The following GRIK4 variants were observed in gnomAD, a reference collection of about 807,000 sequenced individuals.
GRIK4 encodes glutamate ionotropic receptor kainate type subunit 4.
GRIK4 carries 40 observed loss-of-function variants against 104.9 expected under a neutral mutation model. The ratio of observed to expected loss-of-function variants is 0.38; its 90% CI spans 0.30 to 0.50. The LOEUF (loss-of-function observed/expected upper bound fraction) is 0.50. Among genes scored for constraint, GRIK4 ranks in the 20% least tolerant of loss-of-function variants. The pLI is 0.93. For missense variants in GRIK4, 1,047 were observed against 1,308.1 expected, an observed-to-expected ratio of 0.80 and a Z score of 3.08; for synonymous variants, 485 against 524.9, an observed-to-expected ratio of 0.92 and a Z score of 1.04.
chr11:120,723,966 C>T (rs765215550), intron 3 of GRIK4, among the ~76,000 whole-genome samples: 120 of 152,274 alleles, frequency 7.9e-4, no homozygotes, highest in South Asian at 7.3e-3. Flanking sequence ...TCAGCCCCCT[C>T]TCCCTACCCC....
Position 120,549,238 on chromosome 11 carries a change from A to C in GRIK4, c.-159+37351A>C, listed in dbSNP as rs1410955867. Among the ~76,000 whole-genome samples, 1 of 151,916 alleles carries C rather than the reference A, an allele frequency of 6.6e-6. No individual in the cohort carries two copies. The highest frequency in any genetic ancestry group is 1.5e-5 in the Non-Finnish European group (1 of 67,984). ...CTCAGCCTCCCAAGTAGCTGGGATT[A>C]CAGGCACACGCCACTACACCTGGCT... On this transcript the variant is annotated intron_variant, in intron 1 of 20. Coordinates refer to ENST00000527524, the MANE Select transcript of GRIK4 (RefSeq NM_014619.5). This position sits in a 1 kb window ranked among gnomAD's most constrained non-coding sequence, Gnocchi z 4.7.
At chr11:120,614,855 C>T (rs549629571) in intron 1 of GRIK4, among the ~76,000 whole-genome samples, 4 of 152,066 alleles carry the variant, frequency 2.6e-5, no homozygotes, top group African/African-American at 4.8e-5. Context: ...AAAAATTATC[C>T]GGGTGTGGTG....
intron 13 of GRIK4, among the ~76,000 whole-genome samples, chr11:120,925,742 C>T (rs763347060): frequency 3.9e-5 from 6 of 151,966 alleles, no homozygotes; most frequent in Admixed American, 6.5e-5. Context: ...GAGACTGAGG[C>T]GGGTGATCAC....
intron 1 of GRIK4, among the ~76,000 whole-genome samples, chr11:120,542,600 C>T (rs1948048675): frequency 6.6e-6 from 1 of 152,214 alleles, no homozygotes; most frequent in African/African-American, 2.4e-5. Context: ...ACTCCTACAA[C>T]TTCACAGCAA....
At chr11:120,605,251 G>C (rs971312036) in intron 1 of GRIK4, among the ~76,000 whole-genome samples, 1 of 152,182 alleles carries the variant, frequency 6.6e-6, no homozygotes, top group African/African-American at 2.4e-5. Context: ...ATATCAAAAC[G>C]AGTATTTGAG....
chr11:120,859,768 G>C (rs1352552807), intron 8 of GRIK4, among the ~76,000 whole-genome samples: 2 of 152,268 alleles, frequency 1.3e-5, no homozygotes, highest in Non-Finnish European at 2.9e-5. Context: ...GATAATATCA[G>C]TGTAGGAATC....
chr11:120,645,675 G>C (rs954102393), intron 1 of GRIK4, among the ~76,000 whole-genome samples: 15 of 152,288 alleles, frequency 9.8e-5, no homozygotes, highest in African/African-American at 3.4e-4. Flanking sequence ...CAGATCTGTT[G>C]AGGGACTGGG....
At position 120,670,641 on chromosome 11, in the gene GRIK4, C is replaced by G. The variant is rs73010244; in HGVS notation, c.82+10241C>G. 7.2e-3 allele frequency among the ~76,000 whole-genome samples: 1,103 copies of G among 152,372 alleles called. 7 individuals carry two copies. Among genetic ancestry groups the G allele is most frequent in the South Asian group, 0.012 (59 of 4,820 alleles). ...CATGCCATGCAGGTCATGCCCTGAC[C>G]ATCCTCTAGCCCTGCCTCTGCCCCT... On this transcript the variant is annotated intron_variant, in intron 3 of 20. Coordinates refer to ENST00000527524, the MANE Select transcript of GRIK4 (RefSeq NM_014619.5).
At chr11:120,763,288 A>G (rs1429674448) in intron 3 of GRIK4, among the ~76,000 whole-genome samples, 1 of 151,904 alleles carries the variant, frequency 6.6e-6, no homozygotes, top group Admixed American at 6.6e-5. Flanking sequence ...ATCAGTGGTG[A>G]TCCCCCCTTT....
At chr11:120,730,009 A>G (rs1333629546) in intron 3 of GRIK4, among the ~76,000 whole-genome samples, 1 of 152,096 alleles carries the variant, frequency 6.6e-6, no homozygotes, top group African/African-American at 2.4e-5. Flanking sequence ...AGCAACATTT[A>G]TTGAAGAGAC....
chr11:120,731,194 G>A (rs1328140081), intron 3 of GRIK4, among the ~76,000 whole-genome samples: 2 of 151,686 alleles, frequency 1.3e-5, no homozygotes, highest in African/African-American at 2.4e-5. Context: ...GATACTAGCT[G>A]TGGGTCTGTC....
chr11:120,744,145 C>A (rs545802842), intron 3 of GRIK4, among the ~76,000 whole-genome samples: 1 of 152,234 alleles, frequency 6.6e-6, no homozygotes, highest in African/African-American at 2.4e-5. Flanking sequence ...TTTAGAGATG[C>A]TTCCTAATAA....
chr11:120,695,968 C>T (rs1483893027), intron 3 of GRIK4, among the ~76,000 whole-genome samples: 3 of 152,142 alleles, frequency 2.0e-5, no homozygotes, highest in African/African-American at 7.2e-5. Context: ...CTCTCACATG[C>T]CTCCTCCCAG....
intron 3 of GRIK4, among the ~76,000 whole-genome samples, chr11:120,687,998 C>A (rs1334512031): frequency 6.6e-6 from 1 of 152,114 alleles, no homozygotes; most frequent in Admixed American, 6.5e-5. Context: ...ATTTGAGGAC[C>A]CTCAAGTCCT....
At chr11:120,514,590 C>T (rs924437972) in intron 1 of GRIK4, among the ~76,000 whole-genome samples, 2 of 152,176 alleles carry the variant, frequency 1.3e-5, no homozygotes, top group Non-Finnish European at 2.9e-5. Context: ...TTTTCACCCC[C>T]ACCCCAGGCC....
Position 120,885,105 on chromosome 11 carries a change from G to C in GRIK4, c.1164+9862G>C, listed in dbSNP as rs1955080311. ...TAACAAATGAAGCCAGGCATGGCCT[G>C]CCTGTGTCATGTTCTTTGGCAGTAA... On this transcript the variant is annotated intron_variant, in intron 11 of 20. Transcript: ENST00000527524. 2.0e-5 allele frequency among the ~76,000 whole-genome samples: 3 copies of C among 152,268 alleles called. No individual in the cohort carries two copies. In the South Asian group the frequency reaches 6.2e-4, roughly 31 times the overall value.
chr11:120,797,447 C>G (rs1952542453), intron 3 of GRIK4, among the ~76,000 whole-genome samples: 1 of 152,236 alleles, frequency 6.6e-6, no homozygotes, highest in Non-Finnish European at 1.5e-5. Flanking sequence ...CTGGTCTCCA[C>G]TCCTGGGACT....
chr11:120,757,118 G>A (rs1411911678), intron 3 of GRIK4, among the ~76,000 whole-genome samples: 2 of 152,214 alleles, frequency 1.3e-5, no homozygotes, highest in Non-Finnish European at 2.9e-5. Context: ...TCCCAGAGTT[G>A]GCCTGAGAGG....
At chr11:120,636,178 G>A (rs1305607093) in intron 1 of GRIK4, among the ~76,000 whole-genome samples, 1 of 152,186 alleles carries the variant, frequency 6.6e-6, no homozygotes, top group Non-Finnish European at 1.5e-5. Flanking sequence ...ACATTTGGAT[G>A]TCTAGCTTTT....
Sources: allele counts gnomAD v4.1 joint callset (sites outside exome capture counted in the v4.1 genomes callset), GRCh38; gene constraint gnomAD v4.1.1; non-coding constraint Gnocchi (gnomAD v3.1); transcripts MANE v1.5; gene names NCBI Gene and HGNC (gene_info 2026-07-23, HGNC 2026-07-21).